PTPN13: variants seen among roughly 807,000 people sequenced by gnomAD.
PTPN13 encodes the protein protein tyrosine phosphatase non-receptor type 13.
PTPN13 carries 191 observed loss-of-function variants against 284.0 expected under a neutral mutation model. The ratio of observed to expected loss-of-function variants is 0.67; its 90% confidence interval spans 0.60 to 0.76. PTPN13 has a LOEUF of 0.76. Among genes scored for constraint, PTPN13 ranks in the 30% least tolerant of loss-of-function variants. PTPN13 has a pLI of 0.00. For missense variants in PTPN13, 2,797 were observed against 2,939.9 expected (o/e 0.95, Z 1.12); for synonymous variants, 986 against 1,022.3 (o/e 0.96, Z 0.68).
intron 28 of PTPN13, among the ~76,000 whole-genome samples, chr4:86,768,814 A>G (rs1739636981): frequency 1.4e-5 from 2 of 147,120 alleles, no homozygotes; most frequent in Admixed American, 7.0e-5. Context: ...GGTTCAAGCT[A>G]TTCTCCTGCC....
At chr4:86,794,512 A>G (rs1408774617) in intron 40 of PTPN13, among the ~76,000 whole-genome samples, 1 of 152,206 alleles carries the variant, frequency 6.6e-6, no homozygotes, top group Non-Finnish European at 1.5e-5. Flanking sequence ...CCATCAAGCT[A>G]CCACTGACTT....
intron 1 of PTPN13, among the ~76,000 whole-genome samples, chr4:86,631,402 C>G (rs1722454320): frequency 6.6e-6 from 1 of 152,048 alleles, no homozygotes; most frequent in African/African-American, 2.4e-5. Flanking sequence ...AAAGATGGTG[C>G]TAGTAGGCAA....
chr4:86,608,266 A>C lies in PTPN13; in HGVS notation c.-6+13477A>C, dbSNP rs1463760275. Among the ~76,000 whole-genome samples, 10 of 152,234 alleles carry C rather than the reference A, an allele frequency of 6.6e-5. No homozygotes were observed. The East Asian group carries it at 1.9e-3, about 29-fold the overall frequency. Reference sequence around the variant, plus strand: ...GAGTAGAGAGATTCGACTGTGAAGAATTCACTATGTATAGAATCTGGTTTG... The same window carrying C: ...GAGTAGAGAGATTCGACTGTGAAGACTTCACTATGTATAGAATCTGGTTTG... On this transcript the variant is annotated intron_variant, in intron 1 of 47. Coordinates refer to ENST00000411767, the MANE Select transcript of PTPN13 (RefSeq NM_080683.3).
chr4:86,656,844 A>G (rs1045339713), intron 2 of PTPN13, among the ~76,000 whole-genome samples: 2 of 152,212 alleles, frequency 1.3e-5, no homozygotes, highest in Non-Finnish European at 2.9e-5. Context: ...AGAGGCAGGC[A>G]GGCCTCCTTG....
At chr4:86,812,476 G>C (rs1404148712) in intron 47 of PTPN13, among the ~76,000 whole-genome samples, 1 of 152,222 alleles carries the variant, frequency 6.6e-6, no homozygotes, top group East Asian at 1.9e-4. Flanking sequence ...ATCCCTGAAA[G>C]TGGTAAGTGC....
rs1565328705 is a variant in PTPN13 at position 86,689,108 on chromosome 4, C to T, written c.464C>T (p.Ala155Val). The T allele has an allele frequency of 1.2e-6, 2 of 1,612,378 alleles. No homozygotes were observed. The highest frequency in any genetic ancestry group is 1.7e-6 in the Non-Finnish European group (2 of 1,178,518). The change falls in exon 5 of 48, where the codon GCC becomes GTC. Residue 155 changes from alanine (A) to valine (V), a missense_variant. Physicochemically the swap from Ala to Val is moderately conservative, Grantham distance 64. Transcript: ENST00000411767. Reference protein sequence around the residue: ...SVRTVLDACSAHIRNSNCAPS... With the variant: ...SVRTVLDACSVHIRNSNCAPS... ...CGGACTGTGCTGGATGCTTGCAGTG[C>T]CCACATTAGGAATAGCAATTGTGCA...
chr4:86,765,668 A>G (rs928657754), intron 26 of PTPN13, among the ~76,000 whole-genome samples, 180 bp downstream of exon 26: 6 of 152,158 alleles, frequency 3.9e-5, no homozygotes, highest in Non-Finnish European at 8.8e-5. Context: ...TTTCCAGCTT[A>G]TTTTCTAGTA....
chr4:86,630,585 G>A (rs1316785981), intron 1 of PTPN13, among the ~76,000 whole-genome samples: 3 of 151,980 alleles, frequency 2.0e-5, no homozygotes, highest in Non-Finnish European at 2.9e-5. Flanking sequence ...TACAATTTTG[G>A]GGTTGCCTTC....
chr4:86,685,347 G>A (rs1729335066), intron 3 of PTPN13, among the ~76,000 whole-genome samples: 1 of 152,092 alleles, frequency 6.6e-6, no homozygotes, highest in Non-Finnish European at 1.5e-5. Context: ...GGTGGTTCTC[G>A]CCTATAATCC....
At chr4:86,632,956 C>T (rs970505621) in intron 1 of PTPN13, among the ~76,000 whole-genome samples, 1 of 151,960 alleles carries the variant, frequency 6.6e-6, no homozygotes, top group Non-Finnish European at 1.5e-5. Flanking sequence ...CTACAGTAGG[C>T]ACCACCATGC....
intron 37 of PTPN13, among the ~76,000 whole-genome samples, chr4:86,783,132 C>T (rs1378041445): frequency 6.6e-6 from 1 of 152,106 alleles, no homozygotes; most frequent in African/African-American, 2.4e-5. Context: ...ATTTCATGAC[C>T]AGAATTCCAA....
chr4:86,746,154 A>G (rs757763754), intron 17 of PTPN13, among the ~76,000 whole-genome samples: 30 of 152,320 alleles, frequency 2.0e-4, no homozygotes, highest in Admixed American at 9.1e-4. Flanking sequence ...TTTCTTTTGA[A>G]AAGGAGCCAG....
At chr4:86,699,835 C>G (rs1730966753) in intron 6 of PTPN13, among the ~76,000 whole-genome samples, 1 of 151,950 alleles carries the variant, frequency 6.6e-6, no homozygotes, top group African/African-American at 2.4e-5. Context: ...TTAATGAGTT[C>G]CAAATGTGGT....
chr4:86,706,862 C>T (rs1328475054), intron 7 of PTPN13, among the ~76,000 whole-genome samples: 1 of 152,058 alleles, frequency 6.6e-6, no homozygotes, highest in African/African-American at 2.4e-5. Flanking sequence ...TTGATGTTGC[C>T]CTTTTTTGCT....
At chr4:86,673,958 C>T (rs1029568939) in intron 3 of PTPN13, among the ~76,000 whole-genome samples, 3 of 152,086 alleles carry the variant, frequency 2.0e-5, no homozygotes, top group Admixed American at 1.3e-4. Context: ...CCGCCTGCCT[C>T]GGCCTCCCAA....
At chr4:86,731,851 A>G (rs1734991886) in intron 10 of PTPN13, among the ~76,000 whole-genome samples, 1 of 152,138 alleles carries the variant, frequency 6.6e-6, no homozygotes, top group Admixed American at 6.6e-5. Context: ...TATGTTGCCC[A>G]GGTTGGTCTG....
At chr4:86,607,677 A>G (rs1764908665) in intron 1 of PTPN13, among the ~76,000 whole-genome samples, 1 of 152,026 alleles carries the variant, frequency 6.6e-6, no homozygotes, top group African/African-American at 2.4e-5. Context: ...AAGGTGGGGC[A>G]AAAAATCGCC....
chr4:86,621,218 A>C (rs1351795150), intron 1 of PTPN13, among the ~76,000 whole-genome samples: 1 of 152,254 alleles, frequency 6.6e-6, no homozygotes, highest in African/African-American at 2.4e-5. Context: ...TTTAACAATT[A>C]GTGCATCAAA....
chr4:86,684,531 A>G (rs1425575331), intron 3 of PTPN13, among the ~76,000 whole-genome samples: 4 of 152,204 alleles, frequency 2.6e-5, no homozygotes, highest in Non-Finnish European at 5.9e-5. Context: ...AAAAATTGAG[A>G]GCCATGAACA....
Sources: allele counts gnomAD v4.1 joint callset (sites outside exome capture counted in the v4.1 genomes callset), GRCh38; gene constraint gnomAD v4.1.1; transcripts MANE v1.5; gene names NCBI Gene and HGNC (gene_info 2026-07-23, HGNC 2026-07-21).